The following AGBL1 variants were observed in gnomAD, a reference collection of about 807,000 sequenced individuals.
AGBL1 encodes the protein cytosolic carboxypeptidase 4.
In AGBL1, 130 loss-of-function variants were observed where a neutral mutation model predicts 118.9. That is an observed-to-expected ratio of 1.09 (90% CI 0.95 to 1.26). The LOEUF (loss-of-function observed/expected upper bound fraction) is 1.26. Ranked by LOEUF, AGBL1 falls within the 50% of genes most tolerant of loss-of-function variation. AGBL1 has a pLI of 0.00. For synonymous variants in AGBL1, 555 were observed against 478.9 expected (o/e 1.16, Z -2.08); for missense variants, 1,584 against 1,298.1 (o/e 1.22, Z -3.38).
At position 86,827,938 on chromosome 15, in the gene AGBL1, C is replaced by CTTTTTTTTTTTTT. The variant is rs71144074; in HGVS notation, c.3159-79141_3159-79129dup. Among the ~76,000 whole-genome samples the CTTTTTTTTTTTTT allele has an allele frequency of 9.0e-4, 15 of 16,758 alleles. 4 individuals carry two copies. Among genetic ancestry groups the CTTTTTTTTTTTTT allele is most frequent in the South Asian group, 2.7e-3 (1 of 372 alleles). The allele number at this position is 16,758 out of a possible 152,430, so 11.0% of individuals were successfully genotyped here. ...ATAGTCTCTGGCACTTGATGTAGGGCTTTTTTTTTTTTTTTTTTTTGAGAC... is the reference window on the plus strand; with the variant it reads ...ATAGTCTCTGGCACTTGATGTAGGGCTTTTTTTTTTTTTTTTTTTTTTTTTTTTTTTTTGAGAC... On this transcript the variant is annotated intron_variant, in intron 22 of 22. Coordinates refer to ENST00000614907, the MANE Select transcript of AGBL1 (RefSeq NM_001386094.1).
At chr15:86,477,602 C>T (rs890769623) in intron 18 of AGBL1, among the ~76,000 whole-genome samples, 1 of 152,056 alleles carries the variant, frequency 6.6e-6, no homozygotes, top group African/African-American at 2.4e-5. Flanking sequence ...TGCTTACCAA[C>T]CAAAAAAAGT....
chr15:86,694,111 G>GT (rs1486026493), intron 22 of AGBL1, among the ~76,000 whole-genome samples: 4 of 151,996 alleles, frequency 2.6e-5, no homozygotes, highest in East Asian at 3.9e-4. Context: ...TTTTAGGATT[G>GT]TTTTTTCTAG....
chr15:86,656,871 C>T (rs2085468741), intron 21 of AGBL1, among the ~76,000 whole-genome samples: 1 of 152,168 alleles, frequency 6.6e-6, no homozygotes, highest in African/African-American at 2.4e-5. Flanking sequence ...TTCCACATCT[C>T]CACTGGAGGT....
chr15:86,236,559 C>T (rs1166260274), intron 6 of AGBL1, among the ~76,000 whole-genome samples: 1 of 151,940 alleles, frequency 6.6e-6, no homozygotes, highest in Non-Finnish European at 1.5e-5. Flanking sequence ...TCTGTGATTG[C>T]ATAGTGTTAC....
chr15:86,796,786 G>A (rs1028080032), intron 22 of AGBL1, among the ~76,000 whole-genome samples: 17 of 152,170 alleles, frequency 1.1e-4, no homozygotes, highest in African/African-American at 4.1e-4. Flanking sequence ...TTGCATCAGA[G>A]ACTGTTTAGT....
intron 1 of AGBL1, among the ~76,000 whole-genome samples, chr15:86,093,766 C>G (rs1018650207): frequency 3.3e-5 from 5 of 152,024 alleles, no homozygotes; most frequent in Non-Finnish European, 7.4e-5. Context: ...GAAGGGCAGG[C>G]AAGATACACA....
At chr15:86,419,962 A>G (rs1197329420) in intron 18 of AGBL1, among the ~76,000 whole-genome samples, 1 of 152,184 alleles carries the variant, frequency 6.6e-6, no homozygotes, top group Non-Finnish European at 1.5e-5. Context: ...CAGCAGCTCC[A>G]GTCAGGGGCT....
chr15:86,281,407 C>T (rs534479911), intron 16 of AGBL1, among the ~76,000 whole-genome samples: 4 of 151,886 alleles, frequency 2.6e-5, no homozygotes, highest in African/African-American at 9.7e-5. Flanking sequence ...AAGCAGAAAC[C>T]AGAAAAGAAA....
intron 6 of AGBL1, among the ~76,000 whole-genome samples, chr15:86,238,419 T>C (rs2078588075): frequency 6.6e-6 from 1 of 152,236 alleles, no homozygotes; most frequent in Admixed American, 6.5e-5. Context: ...TAATTTACTC[T>C]CTGCCTAGCC....
At position 86,207,316 on chromosome 15, in the gene AGBL1, C is replaced by G. The variant is rs116328648; in HGVS notation, c.489-17598C>G. ...AGGCTCTTTTTCGGTTCCATATGAA[C>G]TTTAAAAAGTAGATTTTTCCAATTC... is the stretch of plus-strand genomic sequence containing the variant. On this transcript the variant is annotated intron_variant, in intron 5 of 22. Coordinates refer to ENST00000614907, the MANE Select transcript of AGBL1 (RefSeq NM_001386094.1). Among the ~76,000 whole-genome samples the G allele has an allele frequency of 8.8e-3, 1,342 of 152,246 alleles. 23 individuals are homozygous for G. The highest frequency in any genetic ancestry group is 0.03 in the African/African-American group (1,237 of 41,542).
At chr15:86,438,662 T>C (rs1334236256) in intron 18 of AGBL1, among the ~76,000 whole-genome samples, 3 of 148,576 alleles carry the variant, frequency 2.0e-5, no homozygotes, top group East Asian at 2.0e-4. Context: ...TGTCTCTTTT[T>C]TTTTTTTTTT....
intron 24 of AGBL1, among the ~76,000 whole-genome samples, chr15:87,017,582 A>T (rs12912954): frequency 6.6e-6 from 1 of 152,150 alleles, no homozygotes; most frequent in Admixed American, 6.6e-5. Context: ...AGTAAAACAG[A>T]CAAACAGAAA....
intron 6 of AGBL1, among the ~76,000 whole-genome samples, chr15:86,235,288 C>T (rs2078521448): frequency 6.6e-6 from 1 of 152,154 alleles, no homozygotes; most frequent in South Asian, 2.1e-4. Flanking sequence ...AGTGGACACT[C>T]AGAGTAAGTT....
At chr15:86,767,791 CTTG>C (rs1182557951) in intron 22 of AGBL1, among the ~76,000 whole-genome samples, 1 of 151,962 alleles carries the variant, frequency 6.6e-6, no homozygotes, top group Non-Finnish European at 1.5e-5. Context: ...ACTTCCTCTT[CTTG>C]TTGTTCTTAC....
rs2084025189 is a variant in AGBL1, at chr15:86,572,536, C to G, written c.2994+17999C>G. 1.3e-5 allele frequency among the ~76,000 whole-genome samples: 2 copies of G among 152,142 alleles called. 1 individual carries two copies. The highest frequency in any genetic ancestry group is 4.1e-4 in the South Asian group (2 of 4,828). On this transcript the variant is annotated intron_variant, in intron 21 of 22. Coordinates refer to ENST00000614907, the MANE Select transcript of AGBL1 (RefSeq NM_001386094.1). ...CCAGAGGCAGGCTCTGGAGACTGTC[C>G]GCCTCCTGCCTGCACCGTTCCCGCA...
intron 22 of AGBL1, among the ~76,000 whole-genome samples, chr15:86,740,922 C>A (rs142548907): frequency 1.1e-3 from 164 of 152,134 alleles, no homozygotes; most frequent in African/African-American, 3.9e-3. Flanking sequence ...CCCCTCCATC[C>A]CTCAGAGGAT....
intron 22 of AGBL1, among the ~76,000 whole-genome samples, chr15:86,719,394 G>A (rs188402279): frequency 5.3e-4 from 81 of 152,260 alleles, no homozygotes; most frequent in African/African-American, 1.9e-3. Context: ...TAAAGATGGG[G>A]TAGAGAAAAC....
At chr15:86,092,048 A>C (rs1180115789) in intron 1 of AGBL1, among the ~76,000 whole-genome samples, 1 of 152,164 alleles carries the variant, frequency 6.6e-6, no homozygotes, top group East Asian at 1.9e-4. Flanking sequence ...ACTTGCTTAT[A>C]AAAATAGTTG....
chr15:86,495,868 T>G (rs554077528), intron 18 of AGBL1, among the ~76,000 whole-genome samples: 43 of 152,068 alleles, frequency 2.8e-4, no homozygotes, highest in Admixed American at 2.2e-3. Flanking sequence ...TTGATCTGTA[T>G]CTCTGAAGGA....
Sources: allele counts gnomAD v4.1 joint callset (sites outside exome capture counted in the v4.1 genomes callset), GRCh38; gene constraint gnomAD v4.1.1; transcripts MANE v1.5; gene names NCBI Gene and HGNC (gene_info 2026-07-23, HGNC 2026-07-21).